The following DAB1 variants were observed in gnomAD, a reference collection of about 807,000 sequenced individuals.
DAB1 encodes DAB adaptor protein 1, also known as disabled homolog 1.
A neutral mutation model predicts 64.6 loss-of-function variants in DAB1; 15 were observed. That is an observed-to-expected ratio of 0.23 (90% CI 0.16 to 0.36). DAB1 has a LOEUF of 0.36. Among genes scored for constraint, DAB1 ranks in the 10% least tolerant of loss-of-function variants. The pLI is 1.00. For synonymous variants in DAB1, 235 were observed against 251.9 expected, an observed-to-expected ratio of 0.93 and a Z score of 0.64; for missense variants, 596 against 706.7, an observed-to-expected ratio of 0.84 and a Z score of 1.78.
intron 3 of DAB1, among the ~76,000 whole-genome samples, chr1:58,365,781 G>T (rs1644210727): frequency 6.6e-6 from 1 of 152,116 alleles, no homozygotes; most frequent in Non-Finnish European, 1.5e-5. Flanking sequence ...ACTCTCTATT[G>T]CTAACTCTAT....
chr1:57,372,285 A>C (rs184483055), intron 1 of DAB1, among the ~76,000 whole-genome samples: 1 of 152,330 alleles, frequency 6.6e-6, no homozygotes, highest in African/African-American at 2.4e-5. Context: ...AATGGTGCCC[A>C]AGTCTGCCTT....
intron 6 of DAB1, among the ~76,000 whole-genome samples, chr1:57,673,492 T>C: frequency 6.6e-6 from 1 of 152,212 alleles, no homozygotes; most frequent in East Asian, 1.9e-4. Context: ...CCTGAAAATA[T>C]TAGGAGGAAT....
Position 57,589,319 on chromosome 1 carries a change from C to A in DAB1, n.625+60273G>T, listed in dbSNP as rs1645416523. 3.3e-5 allele frequency among the ~76,000 whole-genome samples: 5 copies of A among 151,778 alleles called. No individual in the cohort carries two copies. In the South Asian group the frequency reaches 1.0e-3, roughly 32 times the overall value. On this transcript the variant is annotated intron_variant and non_coding_transcript_variant, in intron 7 of 20. Coordinates refer to the DAB1 transcript ENST00000485760. Reference sequence around the variant, plus strand: ...TAAACTCAGTAATATTTAATTTAAACCAAATGAAAACATAAGTAATAACCT... The same window carrying A: ...TAAACTCAGTAATATTTAATTTAAAACAAATGAAAACATAAGTAATAACCT...
At chr1:57,947,647 C>T (rs1645203644) in intron 5 of DAB1, among the ~76,000 whole-genome samples, 1 of 149,422 alleles carries the variant, frequency 6.7e-6, no homozygotes, top group Non-Finnish European at 1.5e-5. Flanking sequence ...ACGTTCGATG[C>T]ACCAGGTATA....
intron 1 of DAB1, among the ~76,000 whole-genome samples, chr1:58,535,870 G>A (rs1388774974): frequency 6.6e-6 from 1 of 151,780 alleles, no homozygotes; most frequent in East Asian, 1.9e-4. Flanking sequence ...TGATGTTTGG[G>A]AAAAAAATCT....
chr1:57,331,947 A>G (rs894688184), intron 1 of DAB1, among the ~76,000 whole-genome samples: 5 of 152,100 alleles, frequency 3.3e-5, no homozygotes, highest in African/African-American at 1.2e-4. Context: ...CTCTTACTCT[A>G]AGAGTTTTTT....
intron 6 of DAB1, among the ~76,000 whole-genome samples, chr1:57,812,319 C>CAAAAAAAAAAAAAAAAAAAAA (rs67005172): frequency 2.0e-5 from 2 of 101,208 alleles, no homozygotes; most frequent in Non-Finnish European, 2.0e-5. Context: ...GATTCATTGC[C>CAAAAAAAAAAAAAAAAAAAAA]AAAAAAAAAA....
At chr1:58,295,633 A>G (rs558148252) in intron 4 of DAB1, among the ~76,000 whole-genome samples, 1 of 152,326 alleles carries the variant, frequency 6.6e-6, no homozygotes, top group Admixed American at 6.5e-5. Context: ...AAAGAAGAGT[A>G]GATGAGAGAT....
At chr1:57,797,513 T>C (rs934998973) in intron 6 of DAB1, among the ~76,000 whole-genome samples, 1 of 152,268 alleles carries the variant, frequency 6.6e-6, no homozygotes. Context: ...CTTAGAACAC[T>C]ACTCTTACCT....
intron 5 of DAB1, among the ~76,000 whole-genome samples, chr1:57,901,279 CG>C (rs1644470000): frequency 1.3e-5 from 2 of 152,084 alleles, no homozygotes; most frequent in African/African-American, 4.8e-5. Flanking sequence ...ACACCTGCTG[CG>C]GGTTCCCAAT....
chr1:57,426,306 A>G (rs1685283513), upstream of DAB1, among the ~76,000 whole-genome samples: 1 of 152,212 alleles, frequency 6.6e-6, no homozygotes, highest in Non-Finnish European at 1.5e-5. Flanking sequence ...CAAGTCCACC[A>G]CGGAAACTGG....
intron 2 of DAB1, among the ~76,000 whole-genome samples, chr1:57,193,532 G>A (rs942756286): frequency 6.6e-5 from 10 of 151,176 alleles, no homozygotes; most frequent in Admixed American, 4.6e-4. Context: ...GACTGCAGGC[G>A]CCCGCCACTA....
chr1:58,314,847 T>C (rs1297186646), intron 4 of DAB1, among the ~76,000 whole-genome samples: 4 of 152,200 alleles, frequency 2.6e-5, no homozygotes, highest in Non-Finnish European at 4.4e-5. Flanking sequence ...TGGATGAATG[T>C]TGAGTAAAGG....
intron 2 of DAB1, among the ~76,000 whole-genome samples, chr1:57,220,297 T>TA (rs1252973931): frequency 6.6e-6 from 1 of 152,034 alleles, no homozygotes; most frequent in African/African-American, 2.4e-5. Flanking sequence ...CCATAGAGAG[T>TA]ATGCTCTGAG....
chr1:58,209,981 CTT>C (rs1658472137), intron 4 of DAB1, among the ~76,000 whole-genome samples: 1 of 152,246 alleles, frequency 6.6e-6, no homozygotes, highest in East Asian at 1.9e-4. Context: ...TTTACTAACT[CTT>C]CTCCTAATGA....
chr1:57,783,864 GT>G (rs1650220830), intron 6 of DAB1, among the ~76,000 whole-genome samples: 1 of 152,174 alleles, frequency 6.6e-6, no homozygotes, highest in Non-Finnish European at 1.5e-5. Context: ...TGTTGAGTGT[GT>G]TTTGGCTGCT....
chr1:58,009,831 C>T (rs1226532993), intron 5 of DAB1, among the ~76,000 whole-genome samples: 1 of 152,040 alleles, frequency 6.6e-6, no homozygotes, highest in Non-Finnish European at 1.5e-5. Context: ...AACTATCTTG[C>T]CTTATGTCTG....
intron 4 of DAB1, among the ~76,000 whole-genome samples, chr1:58,220,870 T>TACACAC (rs1440284422): frequency 0.064 from 3,067 of 47,808 alleles, 100 homozygotes; most frequent in African/African-American, 0.12. Context: ...TATATACATA[T>TACACAC]ATACACACAC....
intron 1 of DAB1, among the ~76,000 whole-genome samples, chr1:57,304,066 C>T (rs1441444528): frequency 1.3e-5 from 2 of 152,088 alleles, no homozygotes; most frequent in African/African-American, 2.4e-5. Context: ...TAGAGAAATA[C>T]CTGAGGCTCG....
Sources: gnomAD v4.1 joint callset for allele counts (sites outside exome capture counted in the v4.1 genomes callset) on GRCh38, gnomAD v4.1.1 for gene constraint, MANE v1.5 for transcripts, NCBI Gene and HGNC (gene_info 2026-07-23, HGNC 2026-07-21) for gene names.